The following TENM2 variants were observed in gnomAD, a reference collection of about 807,000 sequenced individuals.
TENM2 encodes teneurin-2.
A neutral mutation model predicts 245.2 loss-of-function variants in TENM2; 52 were observed. That is an observed-to-expected ratio of 0.21 (90% confidence interval 0.17 to 0.27). The LOEUF (loss-of-function observed/expected upper bound fraction) is 0.27, where lower values mean the gene tolerates loss of function less well. Among genes scored for constraint, TENM2 ranks in the 10% least tolerant of loss-of-function variants. The pLI, the probability that TENM2 is intolerant of heterozygous loss-of-function variation, is 1.00. For missense variants in TENM2, 3,046 were observed against 3,666.8 expected (o/e 0.83, Z 4.37); for synonymous variants, 1,363 against 1,438.9 (o/e 0.95, Z 1.19).
the TENM2 span, among the ~76,000 whole-genome samples, chr5:167,112,338 T>C: frequency 6.6e-6 from 1 of 152,226 alleles, no homozygotes; most frequent in African/African-American, 2.4e-5. Context: ...ATAGAAGATG[T>C]GCAAATTTTC....
At chr5:167,594,311 T>C (rs558239735) in intron 2 of TENM2, among the ~76,000 whole-genome samples, 17 of 152,324 alleles carry the variant, frequency 1.1e-4, no homozygotes, top group African/African-American at 4.1e-4. Context: ...CTAAATGCAA[T>C]ATGTGAGATG....
chr5:168,007,888 T>G (rs748736917), intron 5 of TENM2, among the ~76,000 whole-genome samples: 5 of 152,204 alleles, frequency 3.3e-5, no homozygotes, highest in Non-Finnish European at 5.9e-5. Context: ...TTCCTAAGCC[T>G]TCATTTTTTT....
chr5:167,108,551 A>G, the TENM2 span, among the ~76,000 whole-genome samples: 2 of 152,220 alleles, frequency 1.3e-5, no homozygotes, highest in Admixed American at 1.3e-4. Context: ...TTATACGGTA[A>G]CTATCCTCAT....
the TENM2 span, among the ~76,000 whole-genome samples, chr5:167,075,977 A>G: frequency 6.6e-6 from 1 of 152,176 alleles, no homozygotes; most frequent in Non-Finnish European, 1.5e-5. Context: ...GTCTTTTCCC[A>G]GGTTTTCAGT....
intron 2 of TENM2, among the ~76,000 whole-genome samples, chr5:167,537,364 A>C (rs1486501742): frequency 6.6e-6 from 1 of 152,102 alleles, no homozygotes; most frequent in African/African-American, 2.4e-5. Context: ...TGTATTTATT[A>C]TAATGCTGGT....
intron 2 of TENM2, among the ~76,000 whole-genome samples, chr5:167,631,475 T>C (rs1001878161): frequency 2.0e-5 from 3 of 152,116 alleles, no homozygotes; most frequent in African/African-American, 4.8e-5. Context: ...GGCTGAAGCA[T>C]AGGGAGTAAG....
intron 2 of TENM2, among the ~76,000 whole-genome samples, chr5:167,382,028 C>T (rs75550062): frequency 0.011 from 1,660 of 152,012 alleles, 94 homozygotes; most frequent in Admixed American, 0.096. Flanking sequence ...CTCCATTTTC[C>T]GAAGTAGTAG....
intron 2 of TENM2, among the ~76,000 whole-genome samples, chr5:167,435,929 A>T (rs950857632): frequency 6.8e-6 from 1 of 147,148 alleles, no homozygotes; most frequent in Non-Finnish European, 1.5e-5. Context: ...CTTGAGAGAG[A>T]TGAGTCAGGA....
chr5:166,979,042 C>G, the TENM2 span, among the ~76,000 whole-genome samples: 4,163 of 151,906 alleles, frequency 0.027, 182 homozygotes, highest in Admixed American at 0.12. Flanking sequence ...CGCGCGAGAG[C>G]TCGCGTGCAG....
chr5:167,390,483 C>A (rs1462411343), intron 2 of TENM2, among the ~76,000 whole-genome samples: 1 of 152,066 alleles, frequency 6.6e-6, no homozygotes, highest in Non-Finnish European at 1.5e-5. Flanking sequence ...TCTGCGGTGC[C>A]TTTGATTCAA....
At chr5:167,901,256 C>G (rs2151517008) in intron 3 of TENM2, among the ~76,000 whole-genome samples, 1 of 152,132 alleles carries the variant, frequency 6.6e-6, no homozygotes, top group Non-Finnish European at 1.5e-5. Flanking sequence ...TAGCACCTAC[C>G]ACGGTTCCTA....
chr5:167,545,385 A>C (rs79223001), intron 2 of TENM2, among the ~76,000 whole-genome samples: 13,322 of 152,228 alleles, frequency 0.088, 1,318 homozygotes, highest in East Asian at 0.37. Context: ...AAAATAGTCT[A>C]TGAAAACAGA....
At chr5:167,434,002 T>C (rs978552275) in intron 2 of TENM2, among the ~76,000 whole-genome samples, 1 of 152,164 alleles carries the variant, frequency 6.6e-6, no homozygotes, top group Admixed American at 6.5e-5. Flanking sequence ...CTTTAGCTTC[T>C]ACAAAAAAAT....
At chr5:167,473,403 C>T (rs1767161991) in intron 2 of TENM2, among the ~76,000 whole-genome samples, 1 of 152,126 alleles carries the variant, frequency 6.6e-6, no homozygotes, top group Non-Finnish European at 1.5e-5. Context: ...TATAACTTTT[C>T]CCTAGACATA....
intron 5 of TENM2, among the ~76,000 whole-genome samples, chr5:168,024,384 T>C (rs960173408): frequency 1.3e-5 from 2 of 152,164 alleles, no homozygotes; most frequent in African/African-American, 4.8e-5. Flanking sequence ...GAAATTTAAT[T>C]TGGAGTTTTA....
chr5:167,675,812 C>T (rs141721480), intron 2 of TENM2, among the ~76,000 whole-genome samples: 32 of 152,168 alleles, frequency 2.1e-4, no homozygotes, highest in African/African-American at 5.8e-4. Flanking sequence ...GTCAGAGAGT[C>T]GCATTTTCAT....
intron 2 of TENM2, among the ~76,000 whole-genome samples, chr5:167,736,384 G>A (rs1310638820): frequency 6.6e-6 from 1 of 152,056 alleles, no homozygotes; most frequent in Admixed American, 6.6e-5. Context: ...GGGACTTAGA[G>A]ATATCTATCT....
chr5:168,024,873 T>A (rs1237998375), intron 5 of TENM2, among the ~76,000 whole-genome samples: 1 of 152,180 alleles, frequency 6.6e-6, no homozygotes, highest in African/African-American at 2.4e-5. Flanking sequence ...TTCTTGTCCC[T>A]AAATTCTCCA....
the TENM2 span, among the ~76,000 whole-genome samples, chr5:167,106,347 C>G: frequency 6.6e-6 from 1 of 152,054 alleles, no homozygotes. Context: ...GTCTAGGGGG[C>G]AGATGACATT....
Sources: gnomAD v4.1 joint callset for allele counts (sites outside exome capture counted in the v4.1 genomes callset) on GRCh38, gnomAD v4.1.1 for gene constraint, MANE v1.5 for transcripts, NCBI Gene and HGNC (gene_info 2026-07-23, HGNC 2026-07-21) for gene names.